Variants in SI observed in about 807,000 individuals in gnomAD.
SI encodes the protein sucrase-isomaltase.
In SI, 235 loss-of-function variants were observed where a neutral mutation model predicts 253.3. The observed-to-expected ratio is 0.93, with a 90% CI of 0.83 to 1.03. The LOEUF (loss-of-function observed/expected upper bound fraction) is 1.03, where lower values mean the gene tolerates loss of function less well. Ranked by LOEUF, SI falls within the 50% of genes least tolerant of loss-of-function variation. The probability of loss-of-function intolerance (pLI) is 0.00; values close to 1 mark genes in which losing one functional copy is unlikely to be tolerated. For missense variants in SI, 2,442 were observed against 2,211.1 expected (o/e 1.10, Z -2.09); for synonymous variants, 819 against 712.0 (o/e 1.15, Z -2.39).
chr3:165,015,306 A>C (rs1718973704), intron 32 of SI, 73 bp from the exon 33 acceptor site: 2 of 933,398 alleles, frequency 2.1e-6, no homozygotes, highest in African/African-American at 3.3e-5. Context: ...ATTATGAAGC[A>C]TAAGTTTTCA....
At chr3:165,052,552 AG>A (rs1378913333) in intron 13 of SI, among the ~76,000 whole-genome samples, 1 of 152,050 alleles carries the variant, frequency 6.6e-6, no homozygotes, top group African/African-American at 2.4e-5. Flanking sequence ...GCTCCTCGGG[AG>A]GCTGAGGCAG....
intron 40 of SI, among the ~76,000 whole-genome samples, chr3:164,994,806 A>G (rs957718607): frequency 6.6e-6 from 1 of 151,674 alleles, no homozygotes; most frequent in Non-Finnish European, 1.5e-5. Flanking sequence ...GATGGTGACC[A>G]TGCACATTGT....
chr3:165,072,282 G>A (rs1266298765), intron 3 of SI, among the ~76,000 whole-genome samples: 1 of 151,862 alleles, frequency 6.6e-6, no homozygotes, highest in Non-Finnish European at 1.5e-5. Flanking sequence ...AAGAGTAAGT[G>A]TATATATTTA....
At chr3:164,983,072 T>G in intron 45 of SI, 21 bp from the exon 46 acceptor site, 1 of 1,530,714 alleles carries the variant, frequency 6.5e-7, no homozygotes, top group Non-Finnish European at 9.0e-7. Flanking sequence ...AGAAAAAAAA[T>G]GTGATATATT....
Position 165,023,628 on chromosome 3 carries a change from G to A in SI, c.3041C>T (p.Pro1014Leu). ...ANARIKLPSD[P>L]ISTLRVEVKY... Reference sequence around the variant, plus strand: ...CACCTCCACACGAAGAGTTGAGATGGGGTCAGAAGGTAACTTTATTCTGGC... The same window carrying A: ...CACCTCCACACGAAGAGTTGAGATGAGGTCAGAAGGTAACTTTATTCTGGC... Residue 1014 changes from proline to leucine, a missense_variant, in exon 26 of 48, where the codon CCC (proline) becomes CTC (leucine). Physicochemically the swap from Pro to Leu is moderately conservative, Grantham distance 98 (BLOSUM62 -3). Transcript: ENST00000264382. 1 of 1,610,856 alleles carries A rather than the reference G, an allele frequency of 6.2e-7. No homozygotes were observed. The highest frequency in any genetic ancestry group is 8.5e-7 in the Non-Finnish European group (1 of 1,177,954).
At chr3:164,984,099 A>G (rs951289889) in intron 45 of SI, among the ~76,000 whole-genome samples, 3 of 152,132 alleles carry the variant, frequency 2.0e-5, no homozygotes, top group Non-Finnish European at 4.4e-5. Flanking sequence ...AAAAAAGCTA[A>G]TTACTGTCAA....
chr3:165,019,683 A>G lies in SI; in HGVS notation c.3342T>C (p.Phe1114=), dbSNP rs759562735. ...TRLPSEYIYG[F]GEVEHTAFKR... ...TAAATGCTGTATGTTCCACTTCCCCAAAACCATATATATATTCTGATGGCA... is the reference window on the plus strand; with the variant it reads ...TAAATGCTGTATGTTCCACTTCCCCGAAACCATATATATATTCTGATGGCA... The change falls in exon 28 of 48, where the codon TTT becomes TTC. Residue 1114 remains phenylalanine (F), a synonymous_variant. Transcript: ENST00000264382. The G allele has an allele frequency of 1.2e-6, 2 of 1,612,690 alleles. No homozygotes were observed. Among genetic ancestry groups the G allele is most frequent in the Non-Finnish European group, 8.5e-7 (1 of 1,179,064 alleles).
rs202203549 is a variant in SI, at chr3:165,055,221, T to C, written c.1485A>G (p.Gln495=). The change falls in exon 13 of 48, where the codon CAA becomes CAG. Residue 495 remains glutamine (Q), a synonymous_variant. Transcript: ENST00000264382. The part of the protein sequence containing the change: ...WWANECSIFH[Q]EVQYDGLWID... ...TCCAAAGTCCATCATATTGCACTTC[T>C]TGATGGAAAATACTGCATTCATTTG... 1 of 1,609,918 alleles carries C rather than the reference T, an allele frequency of 6.2e-7. No homozygotes were observed. The highest frequency in any genetic ancestry group is 8.5e-7 in the Non-Finnish European group (1 of 1,176,722).
chr3:165,083,682 C>T, the SI span, among the ~76,000 whole-genome samples: 1 of 151,848 alleles, frequency 6.6e-6, no homozygotes, highest in South Asian at 2.1e-4. Context: ...ATGTTAAGTA[C>T]CTCTACTATG....
chr3:165,055,249 C>T lies in SI; in HGVS notation c.1457G>A (p.Trp486Ter), dbSNP rs1576913060. Residue 486 changes from tryptophan to a stop codon, truncating the protein, a stop_gained, in exon 13 of 48, where the codon TGG becomes TAG. Transcript: ENST00000264382. LOFTEE classifies it high-confidence loss of function. ...DFTNPNCIDW[W>*]ANECSIFHQE... is the part of the protein sequence containing the mutation. ...ATGGAAAATACTGCATTCATTTGCC[C>T]ACCAATCAATGCAGTTTGGGTTAGT... 2 of 1,611,894 alleles carry T rather than the reference C, an allele frequency of 1.2e-6. No homozygotes were observed. The highest frequency in any genetic ancestry group is 1.1e-5 in the South Asian group (1 of 91,040).
intron 35 of SI, 94 bp downstream of exon 35, chr3:165,009,185 A>C: frequency 1.2e-6 from 1 of 851,718 alleles, no homozygotes; most frequent in Non-Finnish European, 2.0e-6. Context: ...TTCAAATAAA[A>C]TATTTTGTTG....
chr3:165,019,643 A>C lies in SI; in HGVS notation c.3382T>G (p.Trp1128Gly), dbSNP rs1719210558. ...EHTAFKRDLNWNTWGMFTRDQ... is the reference protein window; with the variant it reads ...EHTAFKRDLNGNTWGMFTRDQ... The stretch of plus-strand genomic sequence containing the variant: ...CTTGTGAACATTCCCCAAGTATTCC[A>C]GTTCAGATCTCGCTTAAATGCTGTA... The change falls in exon 28 of 48, where the codon TGG (tryptophan) becomes GGG (glycine). Residue 1128 changes from tryptophan to glycine, a missense_variant. Transcript: ENST00000264382. 6.2e-7 allele frequency: 1 copy of C among 1,612,528 alleles called. No homozygotes were observed. Among genetic ancestry groups the C allele is most frequent in the Admixed American group, 1.7e-5 (1 of 59,784 alleles).
At chr3:164,984,149 T>G (rs1168681943) in intron 45 of SI, among the ~76,000 whole-genome samples, 1 of 152,092 alleles carries the variant, frequency 6.6e-6, no homozygotes, top group African/African-American at 2.4e-5. Context: ...CTTCTAAGAT[T>G]GTGTTTTTAT....
chr3:165,068,586 G>A (rs1299897809), intron 5 of SI, 136 bp downstream of exon 5: 5 of 720,550 alleles, frequency 6.9e-6, no homozygotes, highest in Admixed American at 3.8e-5. Flanking sequence ...TGTTAGCCAG[G>A]ATGGTCTCCA....
intron 25 of SI, among the ~76,000 whole-genome samples, chr3:165,030,143 G>A (rs1011233590): frequency 2.7e-5 from 4 of 149,936 alleles, no homozygotes; most frequent in East Asian, 3.9e-4. Flanking sequence ...ATGATGTAAT[G>A]AAAAGCCCAG....
At chr3:165,066,224 A>G (rs1386160259) in intron 6 of SI, among the ~76,000 whole-genome samples, 1 of 152,000 alleles carries the variant, frequency 6.6e-6, no homozygotes, top group African/African-American at 2.4e-5. Context: ...GAAGATGTGC[A>G]TAGTTTATAT....
intron 26 of SI, among the ~76,000 whole-genome samples, chr3:165,022,159 G>A (rs1223401603): frequency 6.6e-6 from 1 of 151,200 alleles, no homozygotes; most frequent in Admixed American, 6.6e-5. Flanking sequence ...TACATGAGTT[G>A]GAATTGCTTT....
chr3:164,991,730 C>A (rs1274568186), intron 43 of SI, among the ~76,000 whole-genome samples: 7 of 151,926 alleles, frequency 4.6e-5, no homozygotes, highest in Non-Finnish European at 1.0e-4. Context: ...TCTTTAGAAT[C>A]TAGTTAAATA....
intron 47 of SI, among the ~76,000 whole-genome samples, chr3:164,981,086 C>T (rs1044828584): frequency 6.6e-6 from 1 of 151,704 alleles, no homozygotes; most frequent in African/African-American, 2.4e-5. Flanking sequence ...ATAAATCAGT[C>T]AAATTATAAA....
Sources: allele counts gnomAD v4.1 joint callset (sites outside exome capture counted in the v4.1 genomes callset), GRCh38; gene constraint gnomAD v4.1.1; transcripts MANE v1.5; gene names NCBI Gene and HGNC (gene_info 2026-07-23, HGNC 2026-07-21).